The following PTBP2 variants were observed in gnomAD, a reference collection of about 807,000 sequenced individuals.
PTBP2 encodes polypyrimidine tract-binding protein 2.
PTBP2 carries 13 observed loss-of-function variants against 61.4 expected under a neutral mutation model. The ratio of observed to expected loss-of-function variants is 0.21; its 90% CI spans 0.14 to 0.34. PTBP2 has a LOEUF of 0.34. PTBP2 is among the 10% of genes least tolerant of loss of function. The pLI is 1.00. For missense variants in PTBP2, 405 were observed against 642.6 expected, an observed-to-expected ratio of 0.63 and a Z score of 4.00; for synonymous variants, 215 against 218.5, an observed-to-expected ratio of 0.98 and a Z score of 0.14.
intron 3 of PTBP2, among the ~76,000 whole-genome samples, chr1:96,766,528 C>T (rs1656732977): frequency 2.0e-5 from 3 of 152,116 alleles, no homozygotes; most frequent in Admixed American, 1.3e-4. Flanking sequence ...AGACCTAATG[C>T]TTCATAAGCT....
In PTBP2 at chr1:96,809,922, G is replaced by A. The variant is rs142459058; in HGVS notation, c.1172-2790G>A. Among the ~76,000 whole-genome samples, 360 of 152,022 alleles carry A rather than the reference G, an allele frequency of 2.4e-3. 2 individuals are homozygous for A. The highest frequency in any genetic ancestry group is 7.7e-3 in the African/African-American group (320 of 41,460). On this transcript the variant is annotated intron_variant, in intron 11 of 13. Coordinates refer to ENST00000674951, the MANE Select transcript of PTBP2 (RefSeq NM_021190.4). The stretch of plus-strand genomic sequence containing the variant: ...GAAATCAATGGTATAAAAGACAGTT[G>A]AGAGAAAAAAACATGCCACAAGTTG...
chr1:96,769,738 G>T lies in PTBP2; in HGVS notation c.151G>T (p.Asp51Tyr). ...GNDSKKFKGE[D>Y]KMDGAPSRVL... ...TGATAGTAAAAAATTTAAAGGAGAA[G>T]ATAAAATGGATGGTGCTCCTTCTCG... The change falls in exon 4 of 14, where the codon GAT (aspartate) becomes TAT (tyrosine). Residue 51 changes from aspartate (D) to tyrosine (Y), a missense_variant. Physicochemically the swap from Asp to Tyr is radical, Grantham distance 160. Transcript: ENST00000674951. The T allele has an allele frequency of 6.2e-7, 1 of 1,604,326 alleles. No homozygotes were observed. The highest frequency in any genetic ancestry group is 8.5e-7 in the Non-Finnish European group (1 of 1,175,576).
chr1:96,761,346 A>ATGTGTGTG (rs57451223), intron 3 of PTBP2, among the ~76,000 whole-genome samples: 4,458 of 140,524 alleles, frequency 0.032, 85 homozygotes, highest in Non-Finnish European at 0.04. Context: ...GTGGGATTTG[A>ATGTGTGTG]TGTGTGTGTG....
At chr1:96,791,834 T>TGTTTTTTTTG (rs71590211) in intron 8 of PTBP2, among the ~76,000 whole-genome samples, 1 of 128,800 alleles carries the variant, frequency 7.8e-6, no homozygotes, top group Non-Finnish European at 1.6e-5. Context: ...TGCTTTTTTT[T>TGTTTTTTTTG]TTTTTTTTTT....
intron 5 of PTBP2, among the ~76,000 whole-genome samples, chr1:96,772,643 T>G (rs1657510962): frequency 6.6e-6 from 1 of 152,196 alleles, no homozygotes; most frequent in African/African-American, 2.4e-5. Flanking sequence ...CTTTTTTAGA[T>G]TACATATGTA....
At chr1:96,820,134 A>G (rs1433222265) in exon 14 of PTBP2, 5 of 151,994 alleles carry the variant, frequency 3.3e-5, no homozygotes, top group Non-Finnish European at 7.4e-5. Context: ...GAATTACTTC[A>G]TATGTTCACT....
chr1:96,793,832 A>G (rs1317824605), intron 8 of PTBP2, among the ~76,000 whole-genome samples: 4 of 152,204 alleles, frequency 2.6e-5, no homozygotes, highest in Admixed American at 2.6e-4. Flanking sequence ...ATCTGAGTAA[A>G]GGAAATATGT....
chr1:96,723,559 T>C lies in PTBP2; in HGVS notation c.9-5T>C. ...AGGTTGAAACTACTTATTTTTTCTTTGCAGAATCGTCACTGAGGTTGCAGT... is the reference window on the plus strand; with the variant it reads ...AGGTTGAAACTACTTATTTTTTCTTCGCAGAATCGTCACTGAGGTTGCAGT... On this transcript the variant is annotated splice_region_variant and splice_polypyrimidine_tract_variant and intron_variant, in intron 1 of 13. Coordinates refer to ENST00000674951, the MANE Select transcript of PTBP2 (RefSeq NM_021190.4). 1.3e-6 allele frequency: 2 copies of C among 1,566,340 alleles called. No individual in the cohort carries two copies. The highest frequency in any genetic ancestry group is 1.7e-6 in the Non-Finnish European group (2 of 1,146,970).
chr1:96,735,532 A>G (rs557822874), intron 2 of PTBP2, among the ~76,000 whole-genome samples: 13 of 152,110 alleles, frequency 8.5e-5, no homozygotes, highest in Non-Finnish European at 1.6e-4. Flanking sequence ...AAGGATGAGA[A>G]TGGTTGTTGT....
At chr1:96,812,958 TAC>T (rs762072259) in intron 12 of PTBP2, 30 bp downstream of exon 12, 4 of 1,593,602 alleles carry the variant, frequency 2.5e-6, no homozygotes, top group Non-Finnish European at 8.6e-7. Flanking sequence ...TGTATTGAGA[TAC>T]ATTCTATTTT....
At chr1:96,738,884 A>G (rs996299544) in intron 2 of PTBP2, among the ~76,000 whole-genome samples, 11 of 152,358 alleles carry the variant, frequency 7.2e-5, no homozygotes, top group African/African-American at 2.4e-4. Context: ...TAAGGAAAAA[A>G]TGATCAGATA....
At chr1:96,810,263 TGGAATA>T (rs1399465775) in intron 11 of PTBP2, among the ~76,000 whole-genome samples, 4 of 152,238 alleles carry the variant, frequency 2.6e-5, no homozygotes, top group Non-Finnish European at 5.9e-5. Flanking sequence ...CCATATTTCT[TGGAATA>T]GGAGAGTTCA....
chr1:96,751,562 C>A lies in PTBP2; in HGVS notation c.115+62C>A. 2.4e-6 allele frequency: 3 copies of A among 1,236,310 alleles called. No individual in the cohort carries two copies. In the South Asian group the frequency reaches 3.9e-5, roughly 16 times the overall value. 76.6% of individuals were successfully genotyped at this position (1,236,310 alleles called of 1,614,324 possible). On this transcript the variant is annotated intron_variant, in intron 3 of 13. Coordinates refer to ENST00000674951, the MANE Select transcript of PTBP2 (RefSeq NM_021190.4). ...TTTTAGGGGGCAGAATGTTAAAACT[C>A]AAATTTAACCCTGTTATACCAGGAA...
intron 8 of PTBP2, among the ~76,000 whole-genome samples, chr1:96,802,533 G>C (rs965496115): frequency 3.3e-5 from 5 of 152,054 alleles, no homozygotes; most frequent in Non-Finnish European, 5.9e-5. Flanking sequence ...ACTTCTTCCT[G>C]TTAGAATTAA....
intron 11 of PTBP2, among the ~76,000 whole-genome samples, chr1:96,812,097 A>T (rs1662138741): frequency 6.6e-6 from 1 of 152,148 alleles, no homozygotes; most frequent in South Asian, 2.1e-4. Context: ...TGCATTAAGG[A>T]TACTCAACCT....
chr1:96,745,463 A>C, intron 2 of PTBP2, among the ~76,000 whole-genome samples: 1 of 152,044 alleles, frequency 6.6e-6, no homozygotes, highest in Middle Eastern at 3.2e-3. Context: ...CGCCCAGCCC[A>C]ATATTGCTTT....
At chr1:96,803,615 T>C (rs144775041) in intron 8 of PTBP2, among the ~76,000 whole-genome samples, 101 of 152,194 alleles carry the variant, frequency 6.6e-4, no homozygotes, top group African/African-American at 2.3e-3. Context: ...TAAAGAGCGC[T>C]TCAGATTGCC....
At chr1:96,808,868 A>T (rs1235151056) in intron 11 of PTBP2, among the ~76,000 whole-genome samples, 1 of 152,116 alleles carries the variant, frequency 6.6e-6, no homozygotes, top group Non-Finnish European at 1.5e-5. Flanking sequence ...ACTATTTAGT[A>T]TGGTGTACTA....
chr1:96,788,618 T>C (rs1387935344), intron 8 of PTBP2, among the ~76,000 whole-genome samples: 3 of 152,048 alleles, frequency 2.0e-5, no homozygotes. Flanking sequence ...AATGAAATAA[T>C]TGATAGAGTA....
Sources: allele counts gnomAD v4.1 joint callset (sites outside exome capture counted in the v4.1 genomes callset), GRCh38; gene constraint gnomAD v4.1.1; transcripts MANE v1.5; gene names NCBI Gene and HGNC (gene_info 2026-07-23, HGNC 2026-07-21).